The following PPP1R14C variants were observed in gnomAD, a reference collection of about 807,000 sequenced individuals.
The protein encoded by PPP1R14C is protein phosphatase 1 regulatory subunit 14C.
In PPP1R14C, 16 loss-of-function variants were observed where a neutral mutation model predicts 20.4. The observed-to-expected ratio is 0.78, with a 90% CI of 0.53 to 1.19. The LOEUF (loss-of-function observed/expected upper bound fraction) is 1.19, where lower values mean the gene tolerates loss of function less well. Ranked by LOEUF, PPP1R14C falls within the 50% of genes most tolerant of loss-of-function variation. The pLI, the probability that PPP1R14C is intolerant of heterozygous loss-of-function variation, is 0.00. For missense variants in PPP1R14C, 211 were observed against 220.1 expected, an observed-to-expected ratio of 0.96 and a Z score of 0.26; for synonymous variants, 91 against 91.0, an observed-to-expected ratio of 1.00 and a Z score of 0.00.
intron 3 of PPP1R14C, among the ~76,000 whole-genome samples, chr6:150,220,101 C>G (rs944631306): frequency 1.8e-4 from 28 of 152,094 alleles, no homozygotes; most frequent in African/African-American, 6.3e-4. Flanking sequence ...GTGATCCACC[C>G]ACCTTGGCCT....
At chr6:150,175,067 C>T (rs1777546936) in intron 1 of PPP1R14C, among the ~76,000 whole-genome samples, 1 of 151,946 alleles carries the variant, frequency 6.6e-6, no homozygotes, top group African/African-American at 2.4e-5. Flanking sequence ...ACCACTATGA[C>T]ATTTAATCCG....
chr6:150,184,334 A>G (rs1487629452), intron 1 of PPP1R14C, among the ~76,000 whole-genome samples: 1 of 152,182 alleles, frequency 6.6e-6, no homozygotes. Flanking sequence ...GGAAGGGGAT[A>G]TCCAGCCACC....
chr6:150,249,780 C>T lies in PPP1R14C; in HGVS notation c.*960C>T. The T allele has an allele frequency of 2.7e-6, 1 of 375,192 alleles. No individual in the cohort carries two copies. Among genetic ancestry groups the T allele is most frequent in the Non-Finnish European group, 4.7e-6 (1 of 211,714 alleles). The allele number at this position is 375,192 out of a possible 1,614,324, so 23.2% of individuals were successfully genotyped here. ...GTGTCTTCTTCCTTAGAAATAGGTT[C>T]TGGTAGCTTCTGTGCCTGGGTAGTA... On this transcript the variant is annotated 3_prime_UTR_variant, in exon 4 of 4. Transcript: ENST00000361131.
chr6:150,201,500 G>A lies in PPP1R14C; in HGVS notation c.307-13244G>A, dbSNP rs1777877083. 6.6e-6 allele frequency among the ~76,000 whole-genome samples: 1 copy of A among 152,222 alleles called. No homozygotes were observed. On this transcript the variant is annotated intron_variant, in intron 1 of 3. Transcript: ENST00000361131. The surrounding 1 kb of genome is among the most constrained non-coding windows in gnomAD (Gnocchi z 4.2). Reference sequence around the variant, plus strand: ...CCTGAGGGATCGGAGGAGACCAGCGGAGTTAGAGCTCAGGGAGTTGGGGTG... The same window carrying A: ...CCTGAGGGATCGGAGGAGACCAGCGAAGTTAGAGCTCAGGGAGTTGGGGTG...
intron 1 of PPP1R14C, among the ~76,000 whole-genome samples, chr6:150,204,262 C>T (rs181489174): frequency 5.9e-5 from 9 of 152,322 alleles, no homozygotes; most frequent in Admixed American, 3.3e-4. Flanking sequence ...ACCAACCTGC[C>T]GACTTTCTCG....
intron 1 of PPP1R14C, among the ~76,000 whole-genome samples, chr6:150,199,861 C>T (rs1411141628): frequency 1.2e-5 from 1 of 81,882 alleles, no homozygotes; most frequent in African/African-American, 5.4e-5. Flanking sequence ...AGAGCGAGAG[C>T]CTGTCTCTAA....
intron 1 of PPP1R14C, among the ~76,000 whole-genome samples, chr6:150,151,422 A>G (rs1365082697): frequency 3.9e-5 from 6 of 152,176 alleles, no homozygotes; most frequent in Non-Finnish European, 8.8e-5. Context: ...TGATGCTCCT[A>G]CAGCTCTGGA....
intron 1 of PPP1R14C, among the ~76,000 whole-genome samples, chr6:150,165,210 A>G (rs1777410326): frequency 6.6e-6 from 1 of 152,348 alleles, no homozygotes; most frequent in Non-Finnish European, 1.5e-5. Context: ...TGTCTTGCTC[A>G]CTATACTCCA....
At chr6:150,246,426 C>A (rs566388462) in intron 3 of PPP1R14C, among the ~76,000 whole-genome samples, 1 of 151,966 alleles carries the variant, frequency 6.6e-6, no homozygotes, top group Non-Finnish European at 1.5e-5. Context: ...GGTTAAACCA[C>A]ATAACACAGG....
intron 1 of PPP1R14C, among the ~76,000 whole-genome samples, chr6:150,209,833 G>A (rs1235637511): frequency 7.2e-6 from 1 of 139,698 alleles, no homozygotes; most frequent in African/African-American, 2.9e-5. Context: ...GTATGTTTGT[G>A]TATATATTTG....
chr6:150,209,697 G>A (rs1191862892), intron 1 of PPP1R14C, among the ~76,000 whole-genome samples: 1 of 151,856 alleles, frequency 6.6e-6, no homozygotes, highest in Non-Finnish European at 1.5e-5. Flanking sequence ...GTATTTGTGT[G>A]TGTGTGTGTG....
At chr6:150,156,042 AAAAAAAAAAAG>A (rs1777302482) in intron 1 of PPP1R14C, among the ~76,000 whole-genome samples, 3 of 150,450 alleles carry the variant, frequency 2.0e-5, no homozygotes, top group African/African-American at 7.3e-5. Flanking sequence ...AAAAAAAAAA[AAAAAAAAAAAG>A]AAAGAAAGAA....
intron 3 of PPP1R14C, among the ~76,000 whole-genome samples, chr6:150,218,486 A>ACC (rs1491308464): frequency 1.1e-5 from 1 of 94,254 alleles, no homozygotes; most frequent in Non-Finnish European, 2.0e-5. Context: ...CCCCCCCCCC[A>ACC]AAAAAAAATT....
intron 1 of PPP1R14C, among the ~76,000 whole-genome samples, chr6:150,154,327 G>C (rs1777282164): frequency 6.6e-6 from 1 of 152,192 alleles, no homozygotes; most frequent in African/African-American, 2.4e-5. Context: ...GCACCTATGA[G>C]ATTAATTCCT....
At chr6:150,174,564 A>G (rs1777539875) in intron 1 of PPP1R14C, among the ~76,000 whole-genome samples, 1 of 152,102 alleles carries the variant, frequency 6.6e-6, no homozygotes, top group Non-Finnish European at 1.5e-5. Context: ...CCTAGAGGGT[A>G]GGAACATTGG....
At chr6:150,171,827 A>C (rs1168632007) in intron 1 of PPP1R14C, among the ~76,000 whole-genome samples, 1 of 151,906 alleles carries the variant, frequency 6.6e-6, no homozygotes, top group Non-Finnish European at 1.5e-5. Context: ...CTTTTTTTTG[A>C]GACGGAGTCT....
At chr6:150,153,243 T>G (rs1328065952) in intron 1 of PPP1R14C, among the ~76,000 whole-genome samples, 2 of 152,246 alleles carry the variant, frequency 1.3e-5, no homozygotes, top group Non-Finnish European at 2.9e-5. Flanking sequence ...TTCCCAAAAT[T>G]AAGCATATGA....
At chr6:150,219,842 G>A (rs1450307819) in intron 3 of PPP1R14C, among the ~76,000 whole-genome samples, 1 of 150,558 alleles carries the variant, frequency 6.6e-6, no homozygotes, top group Non-Finnish European at 1.5e-5. Flanking sequence ...GCATTTGTGT[G>A]TATAAGAACG....
chr6:150,172,241 A>G (rs147947108), intron 1 of PPP1R14C, among the ~76,000 whole-genome samples: 3 of 152,290 alleles, frequency 2.0e-5, no homozygotes, highest in African/African-American at 7.2e-5. Context: ...CTCTCTATTC[A>G]TTATATGGCA....
Sources: gnomAD v4.1 joint callset for allele counts (sites outside exome capture counted in the v4.1 genomes callset) on GRCh38, gnomAD v4.1.1 for gene constraint, Gnocchi (gnomAD v3.1) non-coding constraint, MANE v1.5 for transcripts, NCBI Gene and HGNC (gene_info 2026-07-23, HGNC 2026-07-21) for gene names.